The following CAMK1D variants were observed in gnomAD, a reference collection of about 807,000 sequenced individuals.
CAMK1D encodes the protein calcium/calmodulin-dependent protein kinase type 1D.
CAMK1D carries 9 observed loss-of-function variants against 47.7 expected under a neutral mutation model. That is an observed-to-expected ratio of 0.19 (90% CI 0.11 to 0.33). The LOEUF (loss-of-function observed/expected upper bound fraction) is 0.33, where lower values mean the gene tolerates loss of function less well. Among genes scored for constraint, CAMK1D ranks in the 10% least tolerant of loss-of-function variants. The pLI, the probability that CAMK1D is intolerant of heterozygous loss-of-function variation, is 1.00. For synonymous variants in CAMK1D, 184 were observed against 184.9 expected (o/e 0.99, Z 0.04); for missense variants, 291 against 488.7 (o/e 0.60, Z 3.81).
rs543567762 is a variant in CAMK1D, at chr10:12,590,426, A to G, written c.224+37070A>G. On this transcript the variant is annotated intron_variant, in intron 2 of 10. Transcript: ENST00000619168. ...GAGATGGATCTACAAAAATCTAGCT[A>G]TGTTGCCCAGGCTGATCGTGAACTC... is the stretch of plus-strand genomic sequence containing the variant. 5.1e-4 allele frequency among the ~76,000 whole-genome samples: 77 copies of G among 152,104 alleles called. 2 individuals carry two copies. The South Asian group carries it at 0.015, about 30-fold the overall frequency.
At chr10:12,719,099 G>A (rs1834269314) in intron 3 of CAMK1D, among the ~76,000 whole-genome samples, 1 of 152,158 alleles carries the variant, frequency 6.6e-6, no homozygotes, top group Non-Finnish European at 1.5e-5. Context: ...GTTCTCATGG[G>A]AAGTTCCCCA....
intron 1 of CAMK1D, among the ~76,000 whole-genome samples, chr10:12,393,027 C>CTTT (rs542625511): frequency 7.0e-6 from 1 of 143,788 alleles, no homozygotes; most frequent in Non-Finnish European, 1.5e-5. Flanking sequence ...TGAAACATAA[C>CTTT]TTTTTTTTTT....
intron 7 of CAMK1D, 40 bp from the exon 8 acceptor site, chr10:12,816,210 C>A: frequency 6.4e-7 from 1 of 1,564,926 alleles, no homozygotes; most frequent in South Asian, 1.1e-5. Flanking sequence ...CATCTCAAGT[C>A]GCAAAGTGAT....
intron 5 of CAMK1D, among the ~76,000 whole-genome samples, chr10:12,772,291 T>C (rs2130938688): frequency 6.6e-6 from 1 of 152,162 alleles, no homozygotes; most frequent in Admixed American, 6.5e-5. Flanking sequence ...GTTCCAACTA[T>C]CGGGAATCCC....
intron 1 of CAMK1D, among the ~76,000 whole-genome samples, chr10:12,452,987 C>G (rs1446640863): frequency 6.6e-6 from 1 of 152,126 alleles, no homozygotes; most frequent in African/African-American, 2.4e-5. Context: ...ACTCTGCCCT[C>G]ATTCAACAGC....
intron 2 of CAMK1D, among the ~76,000 whole-genome samples, chr10:12,562,531 A>G (rs1836977320): frequency 6.6e-6 from 1 of 152,162 alleles, no homozygotes; most frequent in East Asian, 1.9e-4. Context: ...ATAGAATCCA[A>G]ACTCATTTGC....
intron 3 of CAMK1D, among the ~76,000 whole-genome samples, chr10:12,748,227 T>A (rs1835773686): frequency 6.6e-6 from 1 of 152,238 alleles, no homozygotes; most frequent in Admixed American, 6.5e-5. Flanking sequence ...GCATGCTTAG[T>A]GTCTTTCAGA....
chr10:12,713,243 T>C (rs924265611), intron 3 of CAMK1D, among the ~76,000 whole-genome samples: 4 of 152,188 alleles, frequency 2.6e-5, no homozygotes, highest in African/African-American at 9.7e-5. Context: ...GCTAATTTTT[T>C]GTATTTTTAG....
intron 2 of CAMK1D, among the ~76,000 whole-genome samples, chr10:12,622,830 G>A (rs1839040026): frequency 1.3e-5 from 2 of 152,038 alleles, no homozygotes; most frequent in East Asian, 1.9e-4. Flanking sequence ...AATAGCCTGA[G>A]TAGAGGGGAG....
At chr10:12,687,843 T>G (rs1392478469) in intron 3 of CAMK1D, among the ~76,000 whole-genome samples, 2 of 152,226 alleles carry the variant, frequency 1.3e-5, no homozygotes, top group African/African-American at 4.8e-5. Context: ...TAGATTGTGC[T>G]TTCTTGCCAA....
intron 1 of CAMK1D, among the ~76,000 whole-genome samples, chr10:12,423,251 C>T (rs1361492522): frequency 6.6e-6 from 1 of 151,292 alleles, no homozygotes; most frequent in Admixed American, 6.6e-5. Context: ...CAGTGGCTCA[C>T]GCCTGTAACT....
At chr10:12,686,181 A>C (rs1240582896) in intron 3 of CAMK1D, among the ~76,000 whole-genome samples, 1 of 152,190 alleles carries the variant, frequency 6.6e-6, no homozygotes, top group Non-Finnish European at 1.5e-5. Flanking sequence ...TGACAGTCCC[A>C]TCATCTGTGC....
chr10:12,537,319 G>A (rs1299372814), intron 1 of CAMK1D, among the ~76,000 whole-genome samples: 1 of 152,216 alleles, frequency 6.6e-6, no homozygotes, highest in Non-Finnish European at 1.5e-5. Flanking sequence ...TGATCCGCCT[G>A]CCTTGACCTC....
intron 3 of CAMK1D, among the ~76,000 whole-genome samples, chr10:12,669,676 C>G (rs778863615): frequency 2.0e-5 from 3 of 152,138 alleles, no homozygotes; most frequent in Non-Finnish European, 4.4e-5. Context: ...CCTTCGACCC[C>G]TTCAAAGTCT....
chr10:12,578,900 C>G (rs1018005345), intron 2 of CAMK1D: 3 of 154,126 alleles, frequency 1.9e-5, no homozygotes, highest in African/African-American at 7.2e-5. Flanking sequence ...TTTTCAGGTG[C>G]TATGTGAACA....
At chr10:12,462,205 T>C (rs1462534655) in intron 1 of CAMK1D, among the ~76,000 whole-genome samples, 1 of 133,548 alleles carries the variant, frequency 7.5e-6, no homozygotes, top group Admixed American at 8.9e-5. Flanking sequence ...TCCCCTCTGT[T>C]GCCAGGCTGG....
In CAMK1D at chr10:12,567,758, T is replaced by G. The variant is rs374753470; in HGVS notation, c.224+14402T>G. ...GTTGATGTCGTCGTTTGTTTAATCC[T>G]GGTAGGACCTCTTCCAGGGCAAAGC... On this transcript the variant is annotated intron_variant, in intron 2 of 10. Coordinates refer to ENST00000619168, the MANE Select transcript of CAMK1D (RefSeq NM_153498.4). Among the ~76,000 whole-genome samples, 537 of 152,162 alleles carry G rather than the reference T, an allele frequency of 3.5e-3. 3 individuals are homozygous for G. The highest frequency in any genetic ancestry group is 0.012 in the African/African-American group (514 of 41,548).
chr10:12,368,668 T>C (rs764738740), intron 1 of CAMK1D, among the ~76,000 whole-genome samples: 3 of 151,334 alleles, frequency 2.0e-5, no homozygotes, highest in Non-Finnish European at 4.4e-5. Flanking sequence ...GGTTCACACC[T>C]GTAATCCTAG....
chr10:12,520,975 C>G (rs185819178), intron 1 of CAMK1D, among the ~76,000 whole-genome samples: 6 of 132,100 alleles, frequency 4.5e-5, no homozygotes, highest in Admixed American at 7.9e-5. Context: ...AGGGGGAGAG[C>G]TTTATTCATT....
Sources: gnomAD v4.1 joint callset for allele counts (sites outside exome capture counted in the v4.1 genomes callset) on GRCh38, gnomAD v4.1.1 for gene constraint, MANE v1.5 for transcripts, NCBI Gene and HGNC (gene_info 2026-07-23, HGNC 2026-07-21) for gene names.